Variants in FIGN observed in about 807,000 individuals in gnomAD.
The protein encoded by FIGN is fidgetin.
Under a neutral mutation model 51.3 loss-of-function variants are expected in FIGN, and 11 were observed. The ratio of observed to expected loss-of-function variants is 0.21; its 90% CI spans 0.13 to 0.35. The LOEUF (loss-of-function observed/expected upper bound fraction) is 0.35. Ranked by LOEUF, FIGN falls within the 10% of genes least tolerant of loss-of-function variation. The probability of loss-of-function intolerance (pLI) is 1.00; values close to 1 mark genes in which losing one functional copy is unlikely to be tolerated. For missense variants in FIGN, 857 were observed against 943.6 expected (o/e 0.91, Z 1.20); for synonymous variants, 407 against 363.2 (o/e 1.12, Z -1.37).
At chr2:163,617,037 A>T (rs1282071581) in intron 2 of FIGN, 1 of 875,056 alleles carries the variant, frequency 1.1e-6, no homozygotes, top group African/African-American at 1.8e-5. Flanking sequence ...ATGTTTGAGG[A>T]GACTAATGCA....
chr2:163,671,137 T>C (rs1317842872), intron 2 of FIGN, among the ~76,000 whole-genome samples: 1 of 152,218 alleles, frequency 6.6e-6, no homozygotes, highest in Admixed American at 6.5e-5. Context: ...AGATGCAATG[T>C]GCCCACTTTC....
chr2:163,727,144 C>G (rs575847520), intron 2 of FIGN, among the ~76,000 whole-genome samples: 10 of 152,104 alleles, frequency 6.6e-5, no homozygotes, highest in African/African-American at 2.2e-4. Context: ...TAAAAAAGCT[C>G]TTTTTGGCAC....
intron 2 of FIGN, among the ~76,000 whole-genome samples, chr2:163,688,523 A>T (rs1684189475): frequency 6.6e-6 from 1 of 152,228 alleles, no homozygotes; most frequent in Non-Finnish European, 1.5e-5. Flanking sequence ...AAATGTGTGT[A>T]CAGTATATCT....
intron 2 of FIGN, among the ~76,000 whole-genome samples, chr2:163,705,627 G>T (rs1286683456): frequency 6.7e-6 from 1 of 150,200 alleles, no homozygotes; most frequent in Non-Finnish European, 1.5e-5. Context: ...ATTTTATATT[G>T]TTTATTTTTT....
chr2:163,653,045 T>C (rs1683502880), intron 2 of FIGN, among the ~76,000 whole-genome samples: 1 of 152,158 alleles, frequency 6.6e-6, no homozygotes, highest in African/African-American at 2.4e-5. Flanking sequence ...AGTTTGAATT[T>C]TAGCCCTACT....
At chr2:163,638,028 C>T (rs1683252534) in intron 2 of FIGN, among the ~76,000 whole-genome samples, 1 of 152,176 alleles carries the variant, frequency 6.6e-6, no homozygotes, top group African/African-American at 2.4e-5. Flanking sequence ...ATTCTCCTAT[C>T]TCTTCACACC....
intron 2 of FIGN, among the ~76,000 whole-genome samples, chr2:163,624,723 A>G (rs1683029443): frequency 6.8e-6 from 1 of 146,330 alleles, no homozygotes; most frequent in African/African-American, 2.5e-5. Context: ...TTTTTTTCCT[A>G]GACAAGCTGT....
chr2:163,625,551 A>G (rs1443193496), intron 2 of FIGN, among the ~76,000 whole-genome samples: 1 of 152,008 alleles, frequency 6.6e-6, no homozygotes, highest in Non-Finnish European at 1.5e-5. Context: ...CTTCTTATTG[A>G]TAAGGGAGAA....
chr2:163,648,925 G>A lies in FIGN; in HGVS notation c.26-37119C>T, dbSNP rs116308703. 7.2e-3 allele frequency among the ~76,000 whole-genome samples: 1,096 copies of A among 152,148 alleles called. 6 individuals carry two copies. Among genetic ancestry groups the A allele is most frequent in the Non-Finnish European group, 0.011 (768 of 68,006 alleles). The stretch of plus-strand genomic sequence containing the variant: ...CCAGTTTATAACTAGCTTAATTAAC[G>A]TCTGGGATGATTTGGTCATAACACC... On this transcript the variant is annotated intron_variant, in intron 2 of 2. Coordinates refer to ENST00000333129, the MANE Select transcript of FIGN (RefSeq NM_018086.4).
intron 2 of FIGN, among the ~76,000 whole-genome samples, chr2:163,689,207 CAG>C (rs903407081): frequency 4.6e-5 from 7 of 150,956 alleles, no homozygotes; most frequent in Admixed American, 2.0e-4. Context: ...GAAACACACA[CAG>C]AGAGAGAGTG....
intron 2 of FIGN, among the ~76,000 whole-genome samples, chr2:163,636,431 A>T (rs1390256761): frequency 1.3e-5 from 2 of 152,050 alleles, no homozygotes; most frequent in African/African-American, 4.8e-5. Flanking sequence ...TATTACGGGC[A>T]TGTGCCACCA....
chr2:163,618,824 A>T (rs1573906796), intron 2 of FIGN, among the ~76,000 whole-genome samples: 2 of 151,946 alleles, frequency 1.3e-5, no homozygotes, highest in East Asian at 3.9e-4. Flanking sequence ...TAAATTTAGG[A>T]CTCCACTTTA....
chr2:163,641,553 T>C (rs967924727), intron 2 of FIGN, among the ~76,000 whole-genome samples: 2 of 152,216 alleles, frequency 1.3e-5, no homozygotes, highest in African/African-American at 4.8e-5. Flanking sequence ...AAACGTTCCA[T>C]TATACCACTT....
At chr2:163,615,555 A>G (rs1449103701) in intron 2 of FIGN, among the ~76,000 whole-genome samples, 2 of 152,190 alleles carry the variant, frequency 1.3e-5, no homozygotes, top group African/African-American at 4.8e-5. Flanking sequence ...TCTGAACAAC[A>G]AAAACATCCT....
At chr2:163,729,127 T>C (rs1175701405) in intron 2 of FIGN, among the ~76,000 whole-genome samples, 1 of 152,168 alleles carries the variant, frequency 6.6e-6, no homozygotes, top group African/African-American at 2.4e-5. Context: ...TGACATTTAA[T>C]TATCAGTTGT....
At chr2:163,650,930 C>T (rs1424054259) in intron 2 of FIGN, among the ~76,000 whole-genome samples, 1 of 152,100 alleles carries the variant, frequency 6.6e-6, no homozygotes, top group African/African-American at 2.4e-5. Context: ...GAATTCCCTG[C>T]AATATTGTGA....
At chr2:163,726,849 A>G (rs1464496182) in intron 2 of FIGN, among the ~76,000 whole-genome samples, 4 of 152,122 alleles carry the variant, frequency 2.6e-5, no homozygotes, top group African/African-American at 7.2e-5. Context: ...CTTCATCCAT[A>G]TACTTTAATT....
At chr2:163,734,867 T>C (rs1684991153) in intron 2 of FIGN, 36 bp downstream of exon 2, 1 of 1,590,758 alleles carries the variant, frequency 6.3e-7, no homozygotes, top group East Asian at 2.3e-5. Flanking sequence ...CTTTCCTATT[T>C]AGATGCAAAG....
At chr2:163,730,816 A>C (rs1225742478) in intron 2 of FIGN, among the ~76,000 whole-genome samples, 1 of 152,208 alleles carries the variant, frequency 6.6e-6, no homozygotes, top group Non-Finnish European at 1.5e-5. Flanking sequence ...TCTGCAGAAT[A>C]GTTTCTTCCA....
Sources: allele counts gnomAD v4.1 joint callset (sites outside exome capture counted in the v4.1 genomes callset), GRCh38; gene constraint gnomAD v4.1.1; transcripts MANE v1.5; gene names NCBI Gene and HGNC (gene_info 2026-07-23, HGNC 2026-07-21).